KCNC2: variants seen among roughly 807,000 people sequenced by gnomAD.
The protein encoded by KCNC2 is potassium voltage-gated channel subfamily C member 2.
A neutral mutation model predicts 44.5 loss-of-function variants in KCNC2; 21 were observed. The ratio of observed to expected loss-of-function variants is 0.47; its 90% CI spans 0.33 to 0.68. The LOEUF is 0.68. Among genes scored for constraint, KCNC2 ranks in the 30% least tolerant of loss-of-function variants. KCNC2 has a pLI of 0.01. For synonymous variants in KCNC2, 391 were observed against 339.1 expected (o/e 1.15, Z -1.68); for missense variants, 589 against 826.2 (o/e 0.71, Z 3.52).
At chr12:75,150,839 A>C (rs1890340339) in intron 2 of KCNC2, among the ~76,000 whole-genome samples, 1 of 151,880 alleles carries the variant, frequency 6.6e-6, no homozygotes, top group African/African-American at 2.4e-5. Context: ...TCGTTGCAAG[A>C]ATAAAATGAA....
intron 2 of KCNC2, among the ~76,000 whole-genome samples, chr12:75,169,411 CT>C (rs1295837407): frequency 1.3e-5 from 2 of 151,490 alleles, no homozygotes; most frequent in Non-Finnish European, 3.0e-5. Context: ...TGTTCCATTA[CT>C]ACTGATAATG....
chr12:75,142,446 G>A (rs1347781995), intron 2 of KCNC2, among the ~76,000 whole-genome samples: 1 of 152,208 alleles, frequency 6.6e-6, no homozygotes, highest in African/African-American at 2.4e-5. Context: ...AGTAAGTGGT[G>A]TCACTGATAA....
At chr12:75,158,849 TA>T (rs1890931123) in intron 2 of KCNC2, among the ~76,000 whole-genome samples, 1 of 151,874 alleles carries the variant, frequency 6.6e-6, no homozygotes, top group Non-Finnish European at 1.5e-5. Flanking sequence ...ATAATCAAGT[TA>T]TAGAGTCAAT....
chr12:75,158,473 C>T (rs1455665285), intron 2 of KCNC2, among the ~76,000 whole-genome samples: 1 of 151,844 alleles, frequency 6.6e-6, no homozygotes, highest in African/African-American at 2.4e-5. Flanking sequence ...AACAAAGTAA[C>T]AGCCTACATT....
Position 75,041,529 on chromosome 12 carries a change from CTCTATTTATATTACGGTCTTTT to C in KCNC2, c.*1554_*1575del, listed in dbSNP as rs1879901860. On this transcript the variant is annotated 3_prime_UTR_variant, in exon 5 of 5. Coordinates refer to ENST00000549446, the MANE Select transcript of KCNC2 (RefSeq NM_139137.4). The stretch of plus-strand genomic sequence containing the variant: ...AATGCCTTAGTGATATTATTTATCC[CTCTATTTATATTACGGTCTTTT>C]TCTTCCCTCACATGCTCAATACATG... The C allele has an allele frequency of 1.8e-6, 2 of 1,134,622 alleles. No individual in the cohort carries two copies. The highest frequency in any genetic ancestry group is 3.2e-5 in the African/African-American group (2 of 62,430). 70.3% of individuals were successfully genotyped at this position (1,134,622 alleles called of 1,614,324 possible). A position where few individuals can be genotyped will look rare whatever the true frequency, so the allele number is the denominator to read the frequency against.
At chr12:75,122,644 G>A (rs1352809628) in intron 2 of KCNC2, among the ~76,000 whole-genome samples, 2 of 152,042 alleles carry the variant, frequency 1.3e-5, no homozygotes, top group African/African-American at 4.8e-5. Flanking sequence ...TAGTTGGTCT[G>A]TTAGGGCAAA....
chr12:75,142,111 T>A (rs1592956943), intron 2 of KCNC2, among the ~76,000 whole-genome samples: 1 of 152,256 alleles, frequency 6.6e-6, no homozygotes, highest in East Asian at 1.9e-4. Flanking sequence ...CCTGTACAAC[T>A]GTCACTAAAA....
intron 2 of KCNC2, among the ~76,000 whole-genome samples, chr12:75,151,952 A>AATATATTATATATTATACATTTATATATT (rs1592978480): frequency 4.1e-5 from 6 of 146,396 alleles, no homozygotes; most frequent in South Asian, 2.1e-4. Context: ...ATTTATATAT[A>AATATATTATATATTATACATTTATATATT]ATATATTATA....
At chr12:75,063,726 T>C (rs1882562984) in intron 2 of KCNC2, among the ~76,000 whole-genome samples, 1 of 152,130 alleles carries the variant, frequency 6.6e-6, no homozygotes, top group Non-Finnish European at 1.5e-5. Flanking sequence ...ATAAAGTGTT[T>C]GAGATCTTTA....
intron 2 of KCNC2, among the ~76,000 whole-genome samples, chr12:75,085,036 A>AT (rs1346377538): frequency 6.6e-6 from 1 of 151,044 alleles, no homozygotes; most frequent in Non-Finnish European, 1.5e-5. Flanking sequence ...GGAATTCACA[A>AT]AAAAAAGGAC....
intron 2 of KCNC2, among the ~76,000 whole-genome samples, chr12:75,186,587 A>G (rs966980228): frequency 2.0e-5 from 3 of 152,220 alleles, no homozygotes; most frequent in African/African-American, 7.2e-5. Context: ...TTATGCAACA[A>G]TTACTTTCCT....
chr12:75,121,216 C>T (rs1184549572), intron 2 of KCNC2, among the ~76,000 whole-genome samples: 1 of 152,192 alleles, frequency 6.6e-6, no homozygotes, highest in Non-Finnish European at 1.5e-5. Context: ...CAATGAATTT[C>T]CTGTTAATTA....
rs373729570 is a variant in KCNC2 at position 75,138,979 on chromosome 12, T to TAAAAAAAAAAAAAAAAA, written c.687+68301_687+68317dup. Among the ~76,000 whole-genome samples the TAAAAAAAAAAAAAAAAA allele has an allele frequency of 6.9e-4, 54 of 77,920 alleles. 1 individual carries two copies. The highest frequency in any genetic ancestry group is 2.6e-3 in the African/African-American group (49 of 18,552). 51.1% of individuals were successfully genotyped at this position (77,920 alleles called of 152,430 possible). On this transcript the variant is annotated intron_variant, in intron 2 of 4. Coordinates refer to ENST00000549446, the MANE Select transcript of KCNC2 (RefSeq NM_139137.4). Reference sequence around the variant, plus strand: ...CTGGGCCACAGAGCGAGACTCCGTGTAAAAAAAAAAAAAAAAAAAAAAAAA... The same window carrying TAAAAAAAAAAAAAAAAA: ...CTGGGCCACAGAGCGAGACTCCGTGTAAAAAAAAAAAAAAAAAAAAAAAAAAAAAAAAAAAAAAAAAA...
At chr12:75,114,121 A>T (rs1887467097) in intron 2 of KCNC2, among the ~76,000 whole-genome samples, 1 of 152,314 alleles carries the variant, frequency 6.6e-6, no homozygotes, top group Non-Finnish European at 1.5e-5. Flanking sequence ...CTAAATTTTT[A>T]ATTTGAAGTG....
intron 2 of KCNC2, among the ~76,000 whole-genome samples, chr12:75,160,921 A>C (rs1050715479): frequency 6.6e-6 from 1 of 151,854 alleles, no homozygotes; most frequent in Non-Finnish European, 1.5e-5. Context: ...TCTTGTGAAA[A>C]GCAAATTAGA....
chr12:75,108,030 A>G (rs1886930009), intron 2 of KCNC2, among the ~76,000 whole-genome samples: 1 of 152,238 alleles, frequency 6.6e-6, no homozygotes, highest in South Asian at 2.1e-4. Flanking sequence ...CCTTAGGCCT[A>G]TGACCTTTGG....
intron 2 of KCNC2, among the ~76,000 whole-genome samples, chr12:75,062,199 T>C (rs1319131192): frequency 6.6e-6 from 1 of 152,116 alleles, no homozygotes; most frequent in Non-Finnish European, 1.5e-5. Flanking sequence ...CTCTTCTTTA[T>C]AACATACATG....
chr12:75,133,828 G>T (rs1276593522), intron 2 of KCNC2, among the ~76,000 whole-genome samples: 1 of 151,940 alleles, frequency 6.6e-6, no homozygotes, highest in African/African-American at 2.4e-5. Context: ...TGTGCAAACT[G>T]GGCTAGGCAG....
intron 2 of KCNC2, among the ~76,000 whole-genome samples, chr12:75,110,063 T>C (rs746495965): frequency 5.9e-5 from 9 of 151,862 alleles, no homozygotes; most frequent in Non-Finnish European, 1.3e-4. Flanking sequence ...AGGTTTTATA[T>C]GCAAATAATA....
Sources: allele counts gnomAD v4.1 joint callset (sites outside exome capture counted in the v4.1 genomes callset), GRCh38; gene constraint gnomAD v4.1.1; transcripts MANE v1.5; gene names NCBI Gene and HGNC (gene_info 2026-07-23, HGNC 2026-07-21).